Variants in GHR observed in about 807,000 individuals in gnomAD.
GHR encodes GH receptor.
Under a neutral mutation model 67.1 loss-of-function variants are expected in GHR, and 35 were observed. The observed-to-expected ratio is 0.52, with a 90% confidence interval of 0.40 to 0.69. The LOEUF (loss-of-function observed/expected upper bound fraction) is 0.69, where lower values mean the gene tolerates loss of function less well. Among genes scored for constraint, GHR ranks in the 30% least tolerant of loss-of-function variants. The pLI, the probability that GHR is intolerant of heterozygous loss-of-function variation, is 0.00. For missense variants in GHR, 792 were observed against 764.6 expected (o/e 1.04, Z -0.42); for synonymous variants, 272 against 269.1 (o/e 1.01, Z -0.10).
chr5:42,713,868 T>C (rs1758590887), intron 8 of GHR: 1 of 276,392 alleles, frequency 3.6e-6, no homozygotes, highest in South Asian at 4.2e-5. Flanking sequence ...GACTTCAAAG[T>C]ATCACTGAGC....
intron 1 of GHR, among the ~76,000 whole-genome samples, chr5:42,483,976 G>C (rs981335526): frequency 2.6e-5 from 4 of 152,020 alleles, no homozygotes; most frequent in African/African-American, 9.7e-5. Flanking sequence ...TCTGTGCAGA[G>C]AGAGTACTAA....
chr5:42,702,198 T>G (rs1757964654), intron 6 of GHR, among the ~76,000 whole-genome samples: 1 of 152,080 alleles, frequency 6.6e-6, no homozygotes, highest in Non-Finnish European at 1.5e-5. Flanking sequence ...AATATCTCCT[T>G]AACTCTGCAC....
chr5:42,433,880 T>C (rs1743208514), intron 1 of GHR, among the ~76,000 whole-genome samples: 4 of 151,654 alleles, frequency 2.6e-5, no homozygotes. Context: ...AGGCTGTGGA[T>C]TTGTTATCCG....
At chr5:42,581,343 G>A (rs1487193112) in intron 2 of GHR, among the ~76,000 whole-genome samples, 1 of 152,138 alleles carries the variant, frequency 6.6e-6, no homozygotes, top group Non-Finnish European at 1.5e-5. Context: ...AGGATTAAAC[G>A]GTTAAGAGAG....
chr5:42,619,843 C>T (rs1354578582), intron 2 of GHR: 1 of 152,106 alleles, frequency 6.6e-6, no homozygotes, highest in Non-Finnish European at 1.5e-5. Flanking sequence ...CTTAGGACAC[C>T]TCTGACATGC....
intron 1 of GHR, among the ~76,000 whole-genome samples, chr5:42,471,966 C>G (rs1025530950): frequency 6.6e-6 from 1 of 152,164 alleles, no homozygotes; most frequent in East Asian, 1.9e-4. Flanking sequence ...ATTCATTTAT[C>G]TAATGGCTTA....
At chr5:42,431,690 A>G (rs968630343) in intron 1 of GHR, among the ~76,000 whole-genome samples, 2 of 152,162 alleles carry the variant, frequency 1.3e-5, no homozygotes, top group African/African-American at 4.8e-5. Context: ...GGCTAACATT[A>G]TTATATTCCC....
At chr5:42,444,426 C>G (rs1255513581) in intron 1 of GHR, among the ~76,000 whole-genome samples, 1 of 152,224 alleles carries the variant, frequency 6.6e-6, no homozygotes, top group African/African-American at 2.4e-5. Flanking sequence ...AGACTCATAA[C>G]TGTGTTTTCA....
chr5:42,481,493 G>C (rs1745634231), intron 1 of GHR, among the ~76,000 whole-genome samples: 1 of 152,158 alleles, frequency 6.6e-6, no homozygotes, highest in Admixed American at 6.5e-5. Context: ...TTTCCAACTT[G>C]GTTCCATTCT....
chr5:42,534,154 A>G (rs1021861904), intron 1 of GHR, among the ~76,000 whole-genome samples: 20 of 140,564 alleles, frequency 1.4e-4, no homozygotes, highest in Non-Finnish European at 2.4e-4. Context: ...ATATGTATGT[A>G]TATATATGTA....
chr5:42,591,017 T>A (rs1751745912), intron 2 of GHR, among the ~76,000 whole-genome samples: 1 of 152,232 alleles, frequency 6.6e-6, no homozygotes, highest in Non-Finnish European at 1.5e-5. Context: ...AAAAGGGAAC[T>A]CTGTACAGAA....
At chr5:42,494,247 C>A (rs375740149) in intron 1 of GHR, among the ~76,000 whole-genome samples, 1 of 152,010 alleles carries the variant, frequency 6.6e-6, no homozygotes, top group Non-Finnish European at 1.5e-5. Context: ...GTTGGGCCAT[C>A]GGCAACCATA....
rs1758911059 is a variant in GHR, at chr5:42,719,409, C to A, written c.1902C>A (p.Asn634Lys). 1.2e-6 allele frequency: 2 copies of A among 1,613,146 alleles called. No homozygotes were observed. The highest frequency in any genetic ancestry group is 1.7e-6 in the Non-Finnish European group (2 of 1,179,860). ...SCGYVSTDQLNKIMP is the reference protein window; with the variant it reads ...SCGYVSTDQLKKIMP ...GCTATGTGAGCACAGACCAACTGAACAAAATCATGCCTTAGCCTTTCTTTG... is the reference window on the plus strand; with the variant it reads ...GCTATGTGAGCACAGACCAACTGAAAAAAATCATGCCTTAGCCTTTCTTTG... Residue 634 changes from asparagine to lysine, a missense_variant, in exon 10 of 10, where the codon AAC becomes AAA. Coordinates refer to ENST00000230882, the MANE Select transcript of GHR (RefSeq NM_000163.5).
chr5:42,438,802 G>T (rs752237818), intron 1 of GHR, among the ~76,000 whole-genome samples: 3 of 152,098 alleles, frequency 2.0e-5, no homozygotes, highest in Admixed American at 6.5e-5. Context: ...GGAGCCTCGA[G>T]ATGACTGCAG....
intron 1 of GHR, among the ~76,000 whole-genome samples, chr5:42,531,836 C>T (rs1379585886): frequency 6.6e-6 from 1 of 152,096 alleles, no homozygotes. Flanking sequence ...TGGTACGGCT[C>T]ACCAAAGTCT....
chr5:42,654,191 T>C (rs1755138916), intron 3 of GHR, among the ~76,000 whole-genome samples: 1 of 152,206 alleles, frequency 6.6e-6, no homozygotes, highest in East Asian at 1.9e-4. Flanking sequence ...TCTTACTAAC[T>C]GAATGAATGT....
chr5:42,480,411 T>C (rs534462094), intron 1 of GHR, among the ~76,000 whole-genome samples: 1 of 152,338 alleles, frequency 6.6e-6, no homozygotes, highest in East Asian at 1.9e-4. Flanking sequence ...GTCCACTTGG[T>C]GTAGAACTGA....
At chr5:42,715,011 G>A in intron 8 of GHR, 1 of 361,394 alleles carries the variant, frequency 2.8e-6, no homozygotes, top group Non-Finnish European at 5.3e-6. Context: ...ACAATATTAG[G>A]AAGAAAAAAT....
At position 42,718,139 on chromosome 5, in the gene GHR, C is replaced by G; in HGVS notation, c.945+18C>G. The G allele has an allele frequency of 7.8e-7, 1 of 1,285,438 alleles. No individual in the cohort carries two copies. The highest frequency in any genetic ancestry group is 1.2e-5 in the South Asian group (1 of 84,464). 79.6% of individuals were successfully genotyped at this position (1,285,438 alleles called of 1,614,324 possible). On this transcript the variant is annotated intron_variant, in intron 9 of 9. Coordinates refer to ENST00000230882, the MANE Select transcript of GHR (RefSeq NM_000163.5). ...TCCTCAAGGTAACTAATAATTTTAT[C>G]TAAATTGTAGCTAGTACTAATTAAC...
Sources: gnomAD v4.1 joint callset for allele counts (sites outside exome capture counted in the v4.1 genomes callset) on GRCh38, gnomAD v4.1.1 for gene constraint, MANE v1.5 for transcripts, NCBI Gene and HGNC (gene_info 2026-07-23, HGNC 2026-07-21) for gene names.